Variants in USP42 observed in about 807,000 individuals in gnomAD.
The protein encoded by USP42 is ubiquitin specific peptidase 42.
In USP42, 23 loss-of-function variants were observed where a neutral mutation model predicts 113.0. The ratio of observed to expected loss-of-function variants is 0.20; its 90% CI spans 0.15 to 0.29. USP42 has a LOEUF of 0.29. Ranked by LOEUF, USP42 falls within the 10% of genes least tolerant of loss-of-function variation. The probability of loss-of-function intolerance (pLI) is 1.00; values close to 1 mark genes in which losing one functional copy is unlikely to be tolerated. For synonymous variants in USP42, 933 were observed against 699.0 expected, an observed-to-expected ratio of 1.33 and a Z score of -5.28; for missense variants, 2,174 against 1,779.8, an observed-to-expected ratio of 1.22 and a Z score of -3.99.
rs1049992287 is a variant in USP42 at position 6,155,039 on chromosome 7, G to A, written c.3485G>A (p.Arg1162Gln). The change falls in exon 15 of 18, where the codon CGG becomes CAG. Residue 1162 changes from arginine to glutamine, a missense_variant. Transcript: ENST00000306177. The stretch of plus-strand genomic sequence containing the variant: ...CACGAAAATGGAAAGTCCCGGAAAC[G>A]GAGACACGACAGTGTGGAGAACAGT... ...HEHENGKSRK[R>Q]RHDSVENSDS... 3 of 1,563,712 alleles carry A rather than the reference G, an allele frequency of 1.9e-6. No homozygotes were observed. The highest frequency in any genetic ancestry group is 1.9e-5 in the Admixed American group (1 of 52,224).
chr7:6,109,945 C>T (rs11770730), intron 1 of USP42, among the ~76,000 whole-genome samples: 9,746 of 151,828 alleles, frequency 0.064, 490 homozygotes, highest in African/African-American at 0.13. Context: ...AGGTGATTCA[C>T]CTGCCTCGGC....
rs553559550 is a variant in USP42, at chr7:6,133,915, G to A, written c.443-1926G>A. 2.9e-5 allele frequency among the ~76,000 whole-genome samples: 4 copies of A among 139,520 alleles called. No homozygotes were observed. The East Asian group carries it at 8.4e-4, about 29-fold the overall frequency. 91.5% of individuals were successfully genotyped at this position (139,520 alleles called of 152,430 possible). On this transcript the variant is annotated intron_variant, in intron 3 of 17. Transcript: ENST00000306177. ...TCTTTTTTTTTTTTTTTTTGAGACA[G>A]CGTCTTGCTCTGTCGCCCAGGCTGG...
Position 6,106,240 on chromosome 7 carries a change from G to A in USP42, c.-10+1208G>A, listed in dbSNP as rs187571959. On this transcript the variant is annotated intron_variant, in intron 1 of 17. Coordinates refer to ENST00000306177, the MANE Select transcript of USP42 (RefSeq NM_032172.3). ...TTACTTAAGTATAATTAAGACGAAGGTTTTGTCTTTTTAAAGCGTGTGTGT... is the reference window on the plus strand; with the variant it reads ...TTACTTAAGTATAATTAAGACGAAGATTTTGTCTTTTTAAAGCGTGTGTGT... 2.0e-3 allele frequency among the ~76,000 whole-genome samples: 306 copies of A among 152,278 alleles called. 2 individuals are homozygous for A. The highest frequency in any genetic ancestry group is 7.1e-3 in the African/African-American group (294 of 41,562).
chr7:6,153,830 C>T lies in USP42; in HGVS notation c.2276C>T (p.Ser759Phe), dbSNP rs756122796. 11 of 1,541,400 alleles carry T rather than the reference C, an allele frequency of 7.1e-6. No homozygotes were observed. The South Asian group carries it at 1.3e-4, about 18-fold the overall frequency. Residue 759 changes from serine to phenylalanine, a missense_variant, in exon 15 of 18, where the codon TCC becomes TTC. Coordinates refer to ENST00000306177, the MANE Select transcript of USP42 (RefSeq NM_032172.3). ...EPQPGSPAAESLEEPDAAAGL... is the reference protein window; with the variant it reads ...EPQPGSPAAEFLEEPDAAAGL... ...CAGCCTGGCAGCCCCGCCGCCGAAT[C>T]CCTGGAGGAGCCAGATGCGGCCGCC...
the USP42 span, among the ~76,000 whole-genome samples, chr7:6,091,815 A>G: frequency 2.0e-5 from 3 of 150,230 alleles, no homozygotes; most frequent in African/African-American, 5.0e-5. Flanking sequence ...TTTTGCCCCA[A>G]CTGGGCTTGA....
chr7:6,081,357 G>GC, the USP42 span: 152,344 of 152,350 alleles, frequency 1, 76,169 homozygotes, highest in Middle Eastern at 1. Flanking sequence ...CGGGGGCCGG[G>GC]CCGCCGCGGG....
At chr7:6,141,014 A>G (rs540523968) in intron 7 of USP42, 30 bp downstream of exon 7, 7 of 1,139,916 alleles carry the variant, frequency 6.1e-6, no homozygotes, top group Non-Finnish European at 8.9e-6. Flanking sequence ...GAGTAATTAC[A>G]TTTTTAAAAT....
At chr7:6,147,477 A>G (rs1781780223) in intron 11 of USP42, among the ~76,000 whole-genome samples, 1 of 152,196 alleles carries the variant, frequency 6.6e-6, no homozygotes, top group Non-Finnish European at 1.5e-5. Flanking sequence ...CAGAAAAGAA[A>G]TACCTTTCAG....
Position 6,157,426 on chromosome 7 carries a change from T to C in USP42, c.3943+371T>C. 2 of 964,620 alleles carry C rather than the reference T, an allele frequency of 2.1e-6. No individual in the cohort carries two copies. Among genetic ancestry groups the C allele is most frequent in the Non-Finnish European group, 2.5e-6 (2 of 810,912 alleles). The allele number at this position is 964,620 out of a possible 1,614,324, so 59.8% of individuals were successfully genotyped here. ...TTATTTTATTTTTTGAGACGGAGTC[T>C]TGCTCTATTGCCCAGGCTGGAGTGC... On this transcript the variant is annotated intron_variant, in intron 16 of 17. Transcript: ENST00000306177. This position sits in a 1 kb window ranked among gnomAD's most constrained non-coding sequence, Gnocchi z 4.1.
At chr7:6,135,492 A>C (rs1223334353) in intron 3 of USP42, among the ~76,000 whole-genome samples, 4 of 151,760 alleles carry the variant, frequency 2.6e-5, no homozygotes, top group Non-Finnish European at 5.9e-5. Context: ...TACTAAAAAT[A>C]CAAAAAAAAA....
chr7:6,114,054 G>T (rs1453938399), intron 2 of USP42, among the ~76,000 whole-genome samples: 1 of 152,168 alleles, frequency 6.6e-6, no homozygotes, highest in Non-Finnish European at 1.5e-5. Context: ...ATCATACTTA[G>T]TTATTAGTAA....
chr7:6,135,405 T>C (rs1384787723), intron 3 of USP42, among the ~76,000 whole-genome samples: 2 of 152,056 alleles, frequency 1.3e-5, no homozygotes, highest in African/African-American at 4.8e-5. Context: ...CCCAGCACTT[T>C]GGGAGGCCAA....
intron 2 of USP42, among the ~76,000 whole-genome samples, chr7:6,114,670 A>ATTTTTTTTTTTTTTTTTTTTT (rs1360907493): frequency 2.5e-5 from 1 of 39,702 alleles, no homozygotes; most frequent in Non-Finnish European, 4.3e-5. Context: ...ATATATATAT[A>ATTTTTTTTTTTTTTTTTTTTT]TATATATATT....
chr7:6,153,250 G>A (rs1562852756), intron 14 of USP42, among the ~76,000 whole-genome samples: 2 of 151,092 alleles, frequency 1.3e-5, no homozygotes, highest in Non-Finnish European at 2.9e-5. Flanking sequence ...TCCAGCCTGG[G>A]CAACAGAGTG....
At chr7:6,108,479 T>C (rs866462665) in intron 1 of USP42, among the ~76,000 whole-genome samples, 177 of 152,284 alleles carry the variant, frequency 1.2e-3, no homozygotes, top group African/African-American at 4.1e-3. Flanking sequence ...TTTTGTACTT[T>C]TACAGTATCC....
chr7:6,093,323 T>C, the USP42 span, among the ~76,000 whole-genome samples: 2 of 149,584 alleles, frequency 1.3e-5, no homozygotes, highest in South Asian at 2.1e-4. Context: ...TCTCACTCTG[T>C]TGCCCAGGCT....
chr7:6,150,181 G>A lies in USP42; in HGVS notation c.1985G>A (p.Ser662Asn), dbSNP rs1412619702. ...CCCATGACCCTAAACGGTGCTAATA[G>A]TGCAGACAGCGACAGTGACCCGAAA... Reference protein sequence around the residue: ...QEPMTLNGANSADSDSDPKEN... With the variant: ...QEPMTLNGANNADSDSDPKEN... The change falls in exon 13 of 18, where the codon AGT (serine) becomes AAT (asparagine). Residue 662 changes from serine (S) to asparagine (N), a missense_variant. Transcript: ENST00000306177. The A allele has an allele frequency of 1.2e-5, 19 of 1,613,842 alleles. No homozygotes were observed. The Admixed American group carries it at 2.0e-4, about 17-fold the overall frequency.
In USP42 at chr7:6,154,247, G is replaced by A. The variant is rs1445942730; in HGVS notation, c.2693G>A (p.Arg898Gln). The A allele has an allele frequency of 1.2e-6, 2 of 1,604,438 alleles. No homozygotes were observed. The highest frequency in any genetic ancestry group is 2.2e-5 in the East Asian group (1 of 44,598). Reference sequence around the variant, plus strand: ...TTGGGCGCACCCGAGGCCGCAGAGCGGCCGCCAGCTCCTGTGCTGGACATG... The same window carrying A: ...TTGGGCGCACCCGAGGCCGCAGAGCAGCCGCCAGCTCCTGTGCTGGACATG... The part of the protein sequence containing the change: ...QSLGAPEAAE[R>Q]PPAPVLDMAP... Residue 898 changes from arginine (R) to glutamine (Q), a missense_variant, in exon 15 of 18, where the codon CGG (arginine) becomes CAG (glutamine). Arg to Gln is a conservative substitution (Grantham distance 43). Coordinates refer to ENST00000306177, the MANE Select transcript of USP42 (RefSeq NM_032172.3).
chr7:6,093,284 T>G, the USP42 span, among the ~76,000 whole-genome samples: 1 of 146,820 alleles, frequency 6.8e-6, no homozygotes, highest in Non-Finnish European at 1.5e-5. Flanking sequence ...TCTTTTCTTC[T>G]CTCTCTTTTT....
Sources: gnomAD v4.1 joint callset for allele counts (sites outside exome capture counted in the v4.1 genomes callset) on GRCh38, gnomAD v4.1.1 for gene constraint, Gnocchi (gnomAD v3.1) non-coding constraint, MANE v1.5 for transcripts, NCBI Gene and HGNC (gene_info 2026-07-23, HGNC 2026-07-21) for gene names.